Variants in USP28 observed in about 807,000 individuals in gnomAD.
USP28 encodes ubiquitin specific peptidase 28.
A neutral mutation model predicts 145.0 loss-of-function variants in USP28; 113 were observed. That is an observed-to-expected ratio of 0.78 (90% CI 0.67 to 0.91). The LOEUF is 0.91. USP28 is among the 40% of genes least tolerant of loss of function. The pLI is 0.00. For synonymous variants in USP28, 447 were observed against 450.9 expected (o/e 0.99, Z 0.11); for missense variants, 1,201 against 1,289.6 (o/e 0.93, Z 1.05).
intron 3 of USP28, among the ~76,000 whole-genome samples, chr11:113,847,853 G>C (rs1359414328): frequency 6.6e-6 from 1 of 152,156 alleles, no homozygotes; most frequent in East Asian, 1.9e-4. Flanking sequence ...CATTACCCAG[G>C]TCATGCTGGT....
exon 25 of USP28, chr11:113,799,239 C>T (rs754339374): frequency 2.0e-5 from 33 of 1,611,772 alleles, no homozygotes; most frequent in Non-Finnish European, 2.8e-5. Context: ...CATGTGGGAG[C>T]TTATTTCACT....
chr11:113,828,748 A>T (rs140190477), intron 10 of USP28: 8 of 317,662 alleles, frequency 2.5e-5, no homozygotes, highest in African/African-American at 1.8e-4. Flanking sequence ...AAATAAACAA[A>T]TGAAAATTAA....
chr11:113,860,427 A>G (rs1488848271), intron 1 of USP28, among the ~76,000 whole-genome samples: 1 of 148,156 alleles, frequency 6.7e-6, no homozygotes, highest in African/African-American at 2.5e-5. Flanking sequence ...ATAAAACTTA[A>G]GTACCCAAGG....
At position 113,817,645 on chromosome 11, in the gene USP28, AT is replaced by A. The variant is rs1243839166; in HGVS notation, c.1463+12del. 3.1e-6 allele frequency: 5 copies of A among 1,609,174 alleles called. No homozygotes were observed. Among genetic ancestry groups the A allele is most frequent in the Middle Eastern group, 3.3e-4 (2 of 6,064 alleles). On this transcript the variant is annotated intron_variant, in intron 13 of 24. Coordinates refer to ENST00000003302, the Ensembl canonical transcript of USP28. Reference sequence around the variant, plus strand: ...AACAATACATACCATTAAAAAAAAAATGTTTTCATTACCTTTCCTTGGATGT... The same window carrying A: ...AACAATACATACCATTAAAAAAAAAAGTTTTCATTACCTTTCCTTGGATGT...
intron 18 of USP28, among the ~76,000 whole-genome samples, chr11:113,807,134 G>T (rs188530177): frequency 1.9e-3 from 291 of 151,828 alleles, no homozygotes; most frequent in African/African-American, 6.4e-3. Context: ...GTGCAATGGC[G>T]TGATCTCAGC....
At chr11:113,815,057 G>A in intron 14 of USP28, 117 bp downstream of exon 14, 1 of 900,336 alleles carries the variant, frequency 1.1e-6, no homozygotes, top group Non-Finnish European at 1.7e-6. Flanking sequence ...ATCTCGGCGG[G>A]GGGGAAATTC....
Position 113,815,309 on chromosome 11 carries a change from T to A in USP28, c.1537A>T (p.Lys513Ter), listed in dbSNP as rs1941567424. The change falls in exon 14 of 25, where the codon AAA becomes TAA. Residue 513 changes from lysine (K) to a stop codon, truncating the protein, a stop_gained. Transcript: ENST00000003302. LOFTEE classifies it high-confidence loss of function. ...GAAGACCGAGAAGATGTCAGTGGTT[T>A]AGACTTGGGTAAAGAATCTTCAGGA... is the stretch of plus-strand genomic sequence containing the variant. 1 of 1,614,164 alleles carries A rather than the reference T, an allele frequency of 6.2e-7. No individual in the cohort carries two copies. Among genetic ancestry groups the A allele is most frequent in the Non-Finnish European group, 8.5e-7 (1 of 1,180,022 alleles).
Position 113,806,593 on chromosome 11 carries a change from A to G in USP28, c.2305-9T>C. On this transcript the variant is annotated splice_polypyrimidine_tract_variant and intron_variant, in intron 18 of 24. Transcript: ENST00000003302. ...GCAGGGCTCAGCATCACCTACCACA[A>G]GGGGGCACAAAACACAGAGAGAAAG... The G allele has an allele frequency of 6.5e-7, 1 of 1,542,188 alleles. No individual in the cohort carries two copies. Among genetic ancestry groups the G allele is most frequent in the South Asian group, 1.2e-5 (1 of 81,070 alleles).
At chr11:113,809,362 T>C in intron 16 of USP28, 108 bp from the exon 17 acceptor site, 2 of 1,034,774 alleles carry the variant, frequency 1.9e-6, no homozygotes, top group South Asian at 1.6e-5. Context: ...TAACTAAAAA[T>C]ACATGCACAT....
intron 16 of USP28, among the ~76,000 whole-genome samples, chr11:113,810,034 C>CAAAAAAAAAAAAAAAAAAAAAAAAAAA (rs368686301): frequency 2.9e-5 from 2 of 68,984 alleles, no homozygotes; most frequent in African/African-American, 5.7e-5. Context: ...GACTCCATCT[C>CAAAAAAAAAAAAAAAAAAAAAAAAAAA]AAAAAAAAAA....
At position 113,854,300 on chromosome 11, in the gene USP28, G is replaced by C. The variant is rs202147259; in HGVS notation, c.93C>G (p.Ile31Met). The C allele has an allele frequency of 4.1e-5, 66 of 1,613,950 alleles. No homozygotes were observed. Among genetic ancestry groups the C allele is most frequent in the Non-Finnish European group, 6.8e-6 (8 of 1,179,994 alleles). ...GAAAGGAAGGGTCCTGAATGCCTGT[G>C]ATTTCTCTCAGTTGATTTAACAGCA... The change falls in exon 2 of 25, where the codon ATC becomes ATG. Residue 31 changes from isoleucine to methionine, a missense_variant. Coordinates refer to ENST00000003302, the Ensembl canonical transcript of USP28.
At chr11:113,805,695 G>A (rs1591485674) in intron 19 of USP28, among the ~76,000 whole-genome samples, 1 of 152,168 alleles carries the variant, frequency 6.6e-6, no homozygotes, top group East Asian at 1.9e-4. Flanking sequence ...TTTTACTCAA[G>A]TATTTTTAAA....
intron 5 of USP28, among the ~76,000 whole-genome samples, chr11:113,838,982 A>C (rs1227040493): frequency 6.6e-6 from 1 of 152,212 alleles, no homozygotes; most frequent in African/African-American, 2.4e-5. Flanking sequence ...GGGCTATGTA[A>C]GTTTAAGATG....
At chr11:113,860,782 G>A (rs2136798841) in intron 1 of USP28, among the ~76,000 whole-genome samples, 1 of 148,196 alleles carries the variant, frequency 6.7e-6, no homozygotes, top group South Asian at 2.1e-4. Context: ...TTGCACCGCT[G>A]CACTCCAGCC....
At chr11:113,819,759 G>A (rs1942324680) in intron 12 of USP28, among the ~76,000 whole-genome samples, 2 of 152,108 alleles carry the variant, frequency 1.3e-5, no homozygotes, top group East Asian at 3.9e-4. Context: ...TGCTCTTGTT[G>A]CCCAGGCTGG....
chr11:113,820,866 G>C (rs45542433), intron 12 of USP28: 34 of 154,250 alleles, frequency 2.2e-4, no homozygotes, highest in Non-Finnish European at 1.3e-4. Context: ...GTCTTTCGGG[G>C]AATTCTGGGC....
chr11:113,827,091 A>G, intron 11 of USP28, 142 bp downstream of exon 11: 1 of 1,025,546 alleles, frequency 9.8e-7, no homozygotes, highest in Non-Finnish European at 1.4e-6. Context: ...AAAAAGGCAA[A>G]GACCCTCAAC....
intron 2 of USP28, among the ~76,000 whole-genome samples, chr11:113,853,780 G>A (rs1014457039): frequency 2.0e-5 from 3 of 151,118 alleles, no homozygotes; most frequent in Non-Finnish European, 4.4e-5. Context: ...GAGGCTGACT[G>A]AGGTGGGAGA....
intron 3 of USP28, 129 bp downstream of exon 3, chr11:113,852,372 G>T: frequency 7.9e-7 from 1 of 1,264,632 alleles, no homozygotes; most frequent in Non-Finnish European, 1.1e-6. Context: ...CATAGCAATA[G>T]CTCAGTAATA....
Sources: gnomAD v4.1 joint callset for allele counts (sites outside exome capture counted in the v4.1 genomes callset) on GRCh38, gnomAD v4.1.1 for gene constraint, MANE v1.5 for transcripts, NCBI Gene and HGNC (gene_info 2026-07-23, HGNC 2026-07-21) for gene names.